Variants in PCDHA6 observed in about 807,000 individuals in gnomAD.
PCDHA6 encodes the protein protocadherin alpha 6.
PCDHA6 carries 55 observed loss-of-function variants against 60.3 expected under a neutral mutation model. That is an observed-to-expected ratio of 0.91 (90% CI 0.73 to 1.14). The LOEUF (loss-of-function observed/expected upper bound fraction) is 1.14. Ranked by LOEUF, PCDHA6 falls within the 50% of genes most tolerant of loss-of-function variation. The pLI is 0.00. For missense variants in PCDHA6, 1,327 were observed against 1,256.5 expected (o/e 1.06, Z -0.85); for synonymous variants, 652 against 557.9 (o/e 1.17, Z -2.38).
chr5:140,920,766 C>T (rs370765138), intron 1 of PCDHA6, among the ~76,000 whole-genome samples: 66 of 151,878 alleles, frequency 4.3e-4, no homozygotes, highest in African/African-American at 1.6e-3. Context: ...ATTGCTTACA[C>T]CTGGGAGGTG....
chr5:140,882,226 G>C (rs778262653), intron 1 of PCDHA6: 257 of 1,564,032 alleles, frequency 1.6e-4, no homozygotes, highest in Non-Finnish European at 3.8e-5. Flanking sequence ...GAGGTAAGGC[G>C]TTGTATATAT....
intron 1 of PCDHA6, chr5:140,850,565 G>A (rs2041680380): frequency 1.3e-6 from 2 of 1,598,414 alleles, no homozygotes; most frequent in East Asian, 4.5e-5. Flanking sequence ...CGGGCCCCGA[G>A]GTGACGCTGG....
chr5:140,870,355 T>C, intron 1 of PCDHA6: 7 of 1,614,110 alleles, frequency 4.3e-6, no homozygotes, highest in Non-Finnish European at 5.9e-6. Context: ...CGAGAACGTG[T>C]GGGCCTATGA....
chr5:140,967,282 G>T, intron 1 of PCDHA6: 1 of 1,613,078 alleles, frequency 6.2e-7, no homozygotes. Flanking sequence ...TAGAGAGTGC[G>T]CAGGACCCCG....
Position 140,988,605 on chromosome 5 carries a change from A to G in PCDHA6, c.2542+6042A>G, listed in dbSNP as rs558232011. Among the ~76,000 whole-genome samples, 7 of 152,332 alleles carry G rather than the reference A, an allele frequency of 4.6e-5. No homozygotes were observed. In the East Asian group the frequency reaches 1.2e-3, roughly 25 times the overall value. On this transcript the variant is annotated intron_variant, in intron 3 of 3. Coordinates refer to ENST00000529310, the MANE Select transcript of PCDHA6 (RefSeq NM_018909.4). ...TTCCACTTTTAATGGTCATGTAAAT[A>G]AAAGACTAGAATGGAGATGTCCTGG...
intron 1 of PCDHA6, chr5:140,863,190 G>A (rs782460122): frequency 1.3e-6 from 1 of 798,634 alleles, no homozygotes; most frequent in South Asian, 1.3e-5. Context: ...TCACCGTGGT[G>A]GCGTCGCTGG....
intron 1 of PCDHA6, chr5:140,927,906 CG>C: frequency 6.2e-7 from 1 of 1,614,180 alleles, no homozygotes. Context: ...ATCATGCCCC[CG>C]AACTGGACTT....
chr5:140,941,239 C>CTTTCTTTCTTTCTT (rs2092937531), intron 1 of PCDHA6, among the ~76,000 whole-genome samples: 2 of 134,500 alleles, frequency 1.5e-5, no homozygotes, highest in Non-Finnish European at 1.6e-5. Context: ...TTCTTTCTTT[C>CTTTCTTTCTTTCTT]TTTCTTTCTT....
At position 140,829,567 on chromosome 5, in the gene PCDHA6, C is replaced by T. The variant is rs1581882153; in HGVS notation, c.1476C>T (p.Tyr492=). Residue 492 remains tyrosine (Y), a synonymous_variant, in exon 1 of 4, where the codon TAC becomes TAT. Transcript: ENST00000529310. ...ADAQENALVS[Y]SLVERRVGER... The stretch of plus-strand genomic sequence containing the variant: ...CGCAGGAGAACGCGCTGGTGTCCTA[C>T]TCGCTGGTGGAGCGGCGGGTGGGCG... 5 of 1,612,524 alleles carry T rather than the reference C, an allele frequency of 3.1e-6. No homozygotes were observed. Among genetic ancestry groups the T allele is most frequent in the Non-Finnish European group, 2.5e-6 (3 of 1,179,822 alleles).
intron 1 of PCDHA6, chr5:140,871,353 G>T: frequency 6.2e-7 from 1 of 1,614,214 alleles, no homozygotes; most frequent in Non-Finnish European, 8.5e-7. Flanking sequence ...GGTCATACTC[G>T]CAGCAGAGGC....
rs567902726 is a variant in PCDHA6 at position 140,936,017 on chromosome 5, C to T, written c.2395-42932C>T. Among the ~76,000 whole-genome samples, 12 of 151,854 alleles carry T rather than the reference C, an allele frequency of 7.9e-5. No individual in the cohort carries two copies. The South Asian group carries it at 1.7e-3, about 21-fold the overall frequency. ...AAGCGATTCTCCCACCTCAGCCTCCCGAGTAGCGGGGATTACAGGCACCCA... is the reference window on the plus strand; with the variant it reads ...AAGCGATTCTCCCACCTCAGCCTCCTGAGTAGCGGGGATTACAGGCACCCA... On this transcript the variant is annotated intron_variant, in intron 1 of 3. Coordinates refer to ENST00000529310, the MANE Select transcript of PCDHA6 (RefSeq NM_018909.4).
chr5:140,963,927 T>C (rs1439271741), intron 1 of PCDHA6, among the ~76,000 whole-genome samples: 1 of 152,220 alleles, frequency 6.6e-6, no homozygotes, highest in East Asian at 1.9e-4. Context: ...AAGTAACATG[T>C]CCATAGCCAA....
At chr5:140,877,149 C>T in intron 1 of PCDHA6, 5 of 1,613,766 alleles carry the variant, frequency 3.1e-6, no homozygotes, top group Non-Finnish European at 4.2e-6. Flanking sequence ...TGGACGAGAA[C>T]GACAACGCGC....
chr5:140,995,113 A>G (rs560699104), intron 3 of PCDHA6, among the ~76,000 whole-genome samples: 68 of 152,252 alleles, frequency 4.5e-4, no homozygotes, highest in Non-Finnish European at 8.4e-4. Flanking sequence ...CAAGACCCTC[A>G]GTGGATGCCT....
intron 1 of PCDHA6, chr5:140,967,430 T>C (rs1554229552): frequency 1.2e-6 from 2 of 1,613,482 alleles, no homozygotes; most frequent in East Asian, 4.5e-5. Context: ...GCAGGCAGCC[T>C]TGCACCACCT....
In PCDHA6 at chr5:140,829,569, C is replaced by T. The variant is rs2150170274; in HGVS notation, c.1478C>T (p.Ser493Leu). The T allele has an allele frequency of 6.2e-7, 1 of 1,612,484 alleles. No individual in the cohort carries two copies. Among genetic ancestry groups the T allele is most frequent in the East Asian group, 2.2e-5 (1 of 44,894 alleles). Residue 493 changes from serine (S) to leucine (L), a missense_variant, in exon 1 of 4, where the codon TCG (serine) becomes TTG (leucine). By Grantham distance (145) the Ser-to-Leu change is moderately radical. Transcript: ENST00000529310. The stretch of plus-strand genomic sequence containing the variant: ...CAGGAGAACGCGCTGGTGTCCTACT[C>T]GCTGGTGGAGCGGCGGGTGGGCGAG... ...DAQENALVSY[S>L]LVERRVGERA...
chr5:140,838,890 A>G (rs1775934707), intron 1 of PCDHA6, among the ~76,000 whole-genome samples: 1 of 152,012 alleles, frequency 6.6e-6, no homozygotes, highest in Non-Finnish European at 1.5e-5. Context: ...ACTCCAGCCT[A>G]GGTGACAGAG....
chr5:140,843,813 T>A, intron 1 of PCDHA6: 3 of 1,270,692 alleles, frequency 2.4e-6, no homozygotes, highest in Non-Finnish European at 3.3e-6. Flanking sequence ...TATTTTATAG[T>A]GAAAATTTAA....
chr5:140,872,165 C>CT (rs781807025), intron 1 of PCDHA6, among the ~76,000 whole-genome samples: 5,631 of 144,184 alleles, frequency 0.039, 139 homozygotes, highest in African/African-American at 0.065. Flanking sequence ...ATTTACTTTT[C>CT]TTTTTTTTTT....
Sources: allele counts gnomAD v4.1 joint callset (sites outside exome capture counted in the v4.1 genomes callset), GRCh38; gene constraint gnomAD v4.1.1; transcripts MANE v1.5; gene names NCBI Gene and HGNC (gene_info 2026-07-23, HGNC 2026-07-21).